MREG: variants seen among roughly 807,000 people sequenced by gnomAD.
MREG encodes melanoregulin.
MREG carries 31 observed loss-of-function variants against 28.5 expected under a neutral mutation model. The observed-to-expected ratio is 1.09, with a 90% CI of 0.82 to 1.47. MREG has a LOEUF of 1.47. MREG is among the 40% of genes most tolerant of loss of function. MREG has a pLI of 0.00. For missense variants in MREG, 256 were observed against 257.4 expected (o/e 0.99, Z 0.04); for synonymous variants, 106 against 95.2 (o/e 1.11, Z -0.66).
chr2:215,982,587 GGTGA>G (rs1693459571), intron 2 of MREG, among the ~76,000 whole-genome samples: 1 of 152,136 alleles, frequency 6.6e-6, no homozygotes, highest in Admixed American at 6.5e-5. Flanking sequence ...GTTGACACAG[GGTGA>G]GTAATGATCA....
intron 2 of MREG, among the ~76,000 whole-genome samples, chr2:215,955,820 A>G (rs539382822): frequency 2.0e-5 from 3 of 152,342 alleles, no homozygotes; most frequent in South Asian, 4.1e-4. Context: ...ACCAGCATCT[A>G]AGAAATCCTC....
chr2:216,011,869 A>G (rs1007902978), intron 1 of MREG, among the ~76,000 whole-genome samples: 7 of 152,234 alleles, frequency 4.6e-5, no homozygotes, highest in African/African-American at 1.7e-4. Flanking sequence ...TAACCTAAGC[A>G]TAAAATTCTA....
At chr2:216,030,940 T>TCC (rs1388798669) in intron 1 of MREG, among the ~76,000 whole-genome samples, 1 of 72,426 alleles carries the variant, frequency 1.4e-5, no homozygotes, top group African/African-American at 4.0e-5. Context: ...TCTCTCTCTC[T>TCC]CTCTCTCTCT....
intron 1 of MREG, among the ~76,000 whole-genome samples, chr2:216,031,646 G>GAAAAGAAAGAAAGA (rs1694703329): frequency 2.9e-5 from 1 of 34,828 alleles, no homozygotes; most frequent in South Asian, 1.1e-3. Flanking sequence ...GAAGGAAGAA[G>GAAAAGAAAGAAAGA]AAAAGAAAGA....
chr2:215,999,207 G>T (rs991677484), intron 1 of MREG, among the ~76,000 whole-genome samples: 3 of 152,196 alleles, frequency 2.0e-5, no homozygotes, highest in African/African-American at 7.2e-5. Flanking sequence ...GTAACGTGGG[G>T]TCAGACTAAA....
intron 2 of MREG, among the ~76,000 whole-genome samples, chr2:215,973,984 C>T (rs1465304270): frequency 3.9e-5 from 6 of 152,188 alleles, no homozygotes; most frequent in African/African-American, 1.4e-4. Flanking sequence ...AATTTGCACT[C>T]GGGTCCATTG....
chr2:216,020,261 A>C (rs1694501619), intron 1 of MREG, among the ~76,000 whole-genome samples: 1 of 152,246 alleles, frequency 6.6e-6, no homozygotes, highest in Non-Finnish European at 1.5e-5. Flanking sequence ...TGCCTCAAGT[A>C]ACTGGAAACT....
At chr2:216,007,539 C>T (rs529052094) in intron 1 of MREG, among the ~76,000 whole-genome samples, 9 of 152,118 alleles carry the variant, frequency 5.9e-5, no homozygotes, top group African/African-American at 2.2e-4. Flanking sequence ...GAGTGATTCT[C>T]CTGTCTCAGC....
At chr2:215,969,007 C>T (rs561962858) in intron 2 of MREG, among the ~76,000 whole-genome samples, 4 of 152,302 alleles carry the variant, frequency 2.6e-5, no homozygotes, top group African/African-American at 9.6e-5. Flanking sequence ...AATCCTCCTG[C>T]CTTAGCCTCC....
chr2:216,007,414 T>TATTTATTTATTC (rs1366933758), intron 1 of MREG, among the ~76,000 whole-genome samples: 13 of 123,098 alleles, frequency 1.1e-4, no homozygotes, highest in Non-Finnish European at 1.5e-4. Flanking sequence ...TTTATTTATT[T>TATTTATTTATTC]ATTTATTTAT....
At chr2:215,949,391 C>T (rs1239960443) in intron 2 of MREG, among the ~76,000 whole-genome samples, 1 of 151,314 alleles carries the variant, frequency 6.6e-6, no homozygotes, top group Non-Finnish European at 1.5e-5. Context: ...GAAACCCCGT[C>T]TCTACTAAAA....
chr2:215,967,480 A>G (rs943944682), intron 2 of MREG, among the ~76,000 whole-genome samples: 1 of 152,256 alleles, frequency 6.6e-6, no homozygotes, highest in African/African-American at 2.4e-5. Context: ...AAAATGTTTT[A>G]TACCCATAAA....
At chr2:215,984,932 T>C (rs1693527707) in intron 2 of MREG, among the ~76,000 whole-genome samples, 1 of 152,232 alleles carries the variant, frequency 6.6e-6, no homozygotes. Context: ...TTGAAATCTA[T>C]ATTGAATCAC....
intron 2 of MREG, among the ~76,000 whole-genome samples, chr2:215,983,078 C>T (rs1293920676): frequency 4.6e-5 from 7 of 152,148 alleles, no homozygotes; most frequent in Non-Finnish European, 7.4e-5. Context: ...TTCAAGAATC[C>T]AGATAATCTG....
intron 1 of MREG, among the ~76,000 whole-genome samples, chr2:216,029,348 C>T (rs546989997): frequency 2.6e-5 from 4 of 152,188 alleles, no homozygotes; most frequent in South Asian, 2.1e-4. Flanking sequence ...CGTGGTGGCG[C>T]GCTTCTGTAG....
At chr2:215,945,485 G>T in intron 4 of MREG, 86 bp downstream of exon 4, 1 of 1,477,672 alleles carries the variant, frequency 6.8e-7, no homozygotes. Flanking sequence ...TGATGGTGGT[G>T]TTGGAATACG....
chr2:216,008,285 C>T (rs940612000), intron 1 of MREG, among the ~76,000 whole-genome samples: 3 of 152,154 alleles, frequency 2.0e-5, no homozygotes, highest in Non-Finnish European at 4.4e-5. Context: ...ACAGACTAGG[C>T]ACTGTTGTAA....
chr2:216,009,754 T>G (rs1694249187), intron 1 of MREG, among the ~76,000 whole-genome samples: 1 of 152,140 alleles, frequency 6.6e-6, no homozygotes, highest in Admixed American at 6.5e-5. Flanking sequence ...CAGCCTGGTC[T>G]CGAACTCCTG....
chr2:216,033,105 G>A (rs777369397), upstream of MREG: 11 of 152,132 alleles, frequency 7.2e-5, no homozygotes, highest in South Asian at 2.1e-4. Context: ...CCAAGATTGA[G>A]AGACTAGTAG....
Sources: allele counts gnomAD v4.1 joint callset (sites outside exome capture counted in the v4.1 genomes callset), GRCh38; gene constraint gnomAD v4.1.1; transcripts MANE v1.5; gene names NCBI Gene and HGNC (gene_info 2026-07-23, HGNC 2026-07-21).